The following SOD2 variants were observed in gnomAD, a reference collection of about 807,000 sequenced individuals.
The protein encoded by SOD2 is superoxide dismutase [Mn], mitochondrial.
In SOD2, 11 loss-of-function variants were observed where a neutral mutation model predicts 27.0. That is an observed-to-expected ratio of 0.41 (90% CI 0.26 to 0.67). SOD2 has a LOEUF of 0.67. Among genes scored for constraint, SOD2 ranks in the 30% least tolerant of loss-of-function variants. The pLI, the probability that SOD2 is intolerant of heterozygous loss-of-function variation, is 0.34. For synonymous variants in SOD2, 105 were observed against 103.0 expected (o/e 1.02, Z -0.12); for missense variants, 250 against 274.5 (o/e 0.91, Z 0.63).
chr6:159,729,815 G>A (rs370858662), upstream of SOD2, among the ~76,000 whole-genome samples: 216 of 152,312 alleles, frequency 1.4e-3, 6 homozygotes, highest in South Asian at 0.04. Flanking sequence ...CCAAGGTACC[G>A]TGTCTTCTTA....
rs59155073 is a variant in SOD2, at chr6:159,736,450, A to G, written c.-116+8680T>C. The G allele has an allele frequency of 0.04, 24,445 of 609,076 alleles. 1,040 individuals carry two copies. Among genetic ancestry groups the G allele is most frequent in the African/African-American group, 0.15 (8,061 of 54,280 alleles). The allele number at this position is 609,076 out of a possible 1,614,324, so 37.7% of individuals were successfully genotyped here. A position where few individuals can be genotyped will look rare whatever the true frequency, so the allele number is the denominator to read the frequency against. On this transcript the variant is annotated intron_variant, in intron 1 of 3. Coordinates refer to the SOD2 transcript ENST00000537657. Reference sequence around the variant, plus strand: ...AACAATAATAGCATTGGAGTTGTACAGTGTGCCAGATATTGTATCTTATAT... The same window carrying G: ...AACAATAATAGCATTGGAGTTGTACGGTGTGCCAGATATTGTATCTTATAT...
rs544946946 is a variant in SOD2 at position 159,692,325 on chromosome 6, A to T, written c.226+336T>A. 3.5e-5 allele frequency: 36 copies of T among 1,019,460 alleles called. No homozygotes were observed. The East Asian group carries it at 5.2e-4, about 15-fold the overall frequency. 63.2% of individuals were successfully genotyped at this position (1,019,460 alleles called of 1,614,324 possible). On this transcript the variant is annotated intron_variant, in intron 2 of 4. Transcript: ENST00000538183. Reference sequence around the variant, plus strand: ...AAGAACAATTTCAATTTGCAAAAAAAACGAGTGACACAGTAGAGCTTTCTT... The same window carrying T: ...AAGAACAATTTCAATTTGCAAAAAATACGAGTGACACAGTAGAGCTTTCTT...
At chr6:159,726,870 A>G in intron 1 of SOD2, 1 of 1,289,226 alleles carries the variant, frequency 7.8e-7, no homozygotes, top group Non-Finnish European at 1.0e-6. Flanking sequence ...TTCTGCTAAG[A>G]GTAAACGCCC....
At position 159,689,425 on chromosome 6, in the gene SOD2, C is replaced by A. The variant is rs1030591645; in HGVS notation, c.227-1183G>T. ...CTGGCATACTGCATGGGTACCTTGC[C>A]AAATAAGTAGGCAAAATAAAATAGT... On this transcript the variant is annotated intron_variant, in intron 2 of 4. Transcript: ENST00000538183. 3.2e-4 allele frequency among the ~76,000 whole-genome samples: 48 copies of A among 152,012 alleles called. 2 individuals carry two copies.
At chr6:159,687,689 T>C (rs5746114) in intron 3 of SOD2, among the ~76,000 whole-genome samples, 3,099 of 152,208 alleles carry the variant, frequency 0.02, 110 homozygotes, top group African/African-American at 0.071. Flanking sequence ...ATGAAAAATA[T>C]GCCACTATGA....
chr6:159,705,954 G>C (rs1449899980), intron 1 of SOD2, among the ~76,000 whole-genome samples: 1 of 152,206 alleles, frequency 6.6e-6, no homozygotes, highest in Non-Finnish European at 1.5e-5. Context: ...GAGAGTGGGG[G>C]CCAATATTCA....
chr6:159,729,248 G>A (rs1778416815), upstream of SOD2, among the ~76,000 whole-genome samples: 1 of 150,624 alleles, frequency 6.6e-6, no homozygotes, highest in South Asian at 2.1e-4. Flanking sequence ...AAAATTGTAC[G>A]TTAGTTAGTA....
chr6:159,729,114 T>C (rs1207006892), upstream of SOD2, among the ~76,000 whole-genome samples: 1 of 152,200 alleles, frequency 6.6e-6, no homozygotes, highest in African/African-American at 2.4e-5. Flanking sequence ...GAGATGAGCA[T>C]TGTCACAATT....
At chr6:159,723,488 C>A (rs761554367) in intron 1 of SOD2, among the ~76,000 whole-genome samples, 8 of 152,196 alleles carry the variant, frequency 5.3e-5, no homozygotes, top group Admixed American at 3.9e-4. Flanking sequence ...GTACCTTTCC[C>A]GTCCCAGAGC....
At chr6:159,727,150 C>T (rs905622971) in exon 1 of SOD2, 4 of 1,195,304 alleles carry the variant, frequency 3.3e-6, no homozygotes, top group African/African-American at 1.6e-5. Context: ...AGCTCCGGGG[C>T]CCGCGGAGCT....
chr6:159,753,249 T>G, intron 1 of SOD2: 2 of 619,774 alleles, frequency 3.2e-6, no homozygotes, highest in Non-Finnish European at 2.7e-6. Flanking sequence ...GTTTGGGCAC[T>G]TTTTGTTTAG....
upstream of SOD2, among the ~76,000 whole-genome samples, chr6:159,729,437 A>T (rs1477707534): frequency 6.6e-6 from 1 of 152,230 alleles, no homozygotes; most frequent in Non-Finnish European, 1.5e-5. Flanking sequence ...ATTGTGTATA[A>T]CAAGATGTTC....
chr6:159,747,650 A>G (rs1288491255), upstream of SOD2, among the ~76,000 whole-genome samples: 1 of 152,220 alleles, frequency 6.6e-6, no homozygotes, highest in Non-Finnish European at 1.5e-5. Flanking sequence ...GGGACTTTAC[A>G]TAGAATAATT....
chr6:159,743,519 A>G (rs1345177460), intron 1 of SOD2: 2 of 690,826 alleles, frequency 2.9e-6, no homozygotes, highest in Admixed American at 3.3e-5. Context: ...TCTCGTGACC[A>G]GGAAGAAATT....
At chr6:159,713,704 T>C in intron 1 of SOD2, 1 of 894,556 alleles carries the variant, frequency 1.1e-6, no homozygotes, top group Non-Finnish European at 1.9e-6. Context: ...CCTGTGTGCT[T>C]CGATACCCAA....
Position 159,672,396 on chromosome 6 carries a change from A to G in SOD2, c.*10097T>C, listed in dbSNP as rs577344193. 7.2e-5 allele frequency: 11 copies of G among 152,330 alleles called. No individual in the cohort carries two copies. The highest frequency in any genetic ancestry group is 5.9e-5 in the Non-Finnish European group (4 of 68,028). The allele number at this position is 152,330 out of a possible 1,614,324, so 9.4% of individuals were successfully genotyped here. ...CCATCAGACTAACAGCTGATCTCTC[A>G]GCAGAAACTCTACAAGCCAGAAGAG... On this transcript the variant is annotated 3_prime_UTR_variant, in exon 5 of 5. Transcript: ENST00000538183.
At position 159,689,302 on chromosome 6, in the gene SOD2, C is replaced by A. The variant is rs188939700; in HGVS notation, c.227-1060G>T. On this transcript the variant is annotated intron_variant, in intron 2 of 4. Coordinates refer to ENST00000538183, the MANE Select transcript of SOD2 (RefSeq NM_000636.4). ...TTCAAGTCTCCACTGAAACATCAAC[C>A]CCATCAGTGAAGCCTTCTCTAGCCA... is the stretch of plus-strand genomic sequence containing the variant. Among the ~76,000 whole-genome samples, 19 of 152,298 alleles carry A rather than the reference C, an allele frequency of 1.2e-4. No homozygotes were observed. The East Asian group carries it at 3.7e-3, about 29-fold the overall frequency.
intron 1 of SOD2, among the ~76,000 whole-genome samples, chr6:159,752,047 G>A (rs1160125526): frequency 1.3e-5 from 2 of 148,972 alleles, no homozygotes; most frequent in Non-Finnish European, 1.5e-5. Flanking sequence ...TGGCAACACA[G>A]TGAGACCCCC....
At position 159,712,109 on chromosome 6, in the gene SOD2, A is replaced by G. The variant is rs199628342; in HGVS notation, c.-116+15020T>C. ...ATAACCACCTCCATAACCACCACTCAGCTGCTCAGACCTCCATAACCACCT... is the reference window on the plus strand; with the variant it reads ...ATAACCACCTCCATAACCACCACTCGGCTGCTCAGACCTCCATAACCACCT... On this transcript the variant is annotated intron_variant, in intron 1 of 2. Transcript: ENST00000401980. Among the ~76,000 whole-genome samples the G allele has an allele frequency of 1.9e-3, 58 of 30,824 alleles. 1 individual carries two copies. The highest frequency in any genetic ancestry group is 2.7e-3 in the African/African-American group (31 of 11,370). The allele number at this position is 30,824 out of a possible 152,430, so 20.2% of individuals were successfully genotyped here. A position where few individuals can be genotyped will look rare whatever the true frequency, so the allele number is the denominator to read the frequency against.
Sources: gnomAD v4.1 joint callset for allele counts (sites outside exome capture counted in the v4.1 genomes callset) on GRCh38, gnomAD v4.1.1 for gene constraint, MANE v1.5 for transcripts, NCBI Gene and HGNC (gene_info 2026-07-23, HGNC 2026-07-21) for gene names.